Variants in CALD1 observed in about 807,000 individuals in gnomAD.
CALD1 encodes the protein caldesmon 1, also known as caldesmon.
CALD1 carries 33 observed loss-of-function variants against 99.9 expected under a neutral mutation model. The ratio of observed to expected loss-of-function variants is 0.33; its 90% CI spans 0.25 to 0.44. The LOEUF (loss-of-function observed/expected upper bound fraction) is 0.44. CALD1 is among the 20% of genes least tolerant of loss of function. The probability of loss-of-function intolerance (pLI) is 1.00; values close to 1 mark genes in which losing one functional copy is unlikely to be tolerated. For synonymous variants in CALD1, 310 were observed against 325.0 expected (o/e 0.95, Z 0.50); for missense variants, 861 against 962.1 (o/e 0.89, Z 1.39).
chr7:134,871,756 G>A (rs973621582), intron 3 of CALD1, among the ~76,000 whole-genome samples: 8 of 152,068 alleles, frequency 5.3e-5, no homozygotes, highest in Admixed American at 1.3e-4. Context: ...TATTTAATTA[G>A]TATTGAGTCT....
Position 134,933,605 on chromosome 7 carries a change from GA to G in CALD1, c.838del (p.Ile280LeufsTer9). On this transcript the variant is annotated frameshift_variant, in exon 5 of 15. Coordinates refer to ENST00000361675, the MANE Select transcript of CALD1 (RefSeq NM_033138.4). LOFTEE classifies it high-confidence loss of function. ...RARLEAEERE[R>X]IKAEQDKKIA... Reference sequence around the variant, plus strand: ...AGGTTGGAAGCAGAAGAAAGAGAAAGAATTAAAGCCGAGCAAGACAAAAAGA... The same window carrying G: ...AGGTTGGAAGCAGAAGAAAGAGAAAGATTAAAGCCGAGCAAGACAAAAAGA... 1 of 1,612,806 alleles carries G rather than the reference GA, an allele frequency of 6.2e-7. No individual in the cohort carries two copies. Among genetic ancestry groups the G allele is most frequent in the Non-Finnish European group, 8.5e-7 (1 of 1,179,460 alleles).
At chr7:134,785,652 T>C (rs542363660) in intron 1 of CALD1, among the ~76,000 whole-genome samples, 17 of 152,326 alleles carry the variant, frequency 1.1e-4, no homozygotes, top group African/African-American at 3.8e-4. Context: ...ACTTGTGCTC[T>C]GTTCTGGGCT....
intron 3 of CALD1, among the ~76,000 whole-genome samples, chr7:134,897,180 A>ATAC (rs1802632718): frequency 6.6e-6 from 1 of 152,128 alleles, no homozygotes; most frequent in Non-Finnish European, 1.5e-5. Flanking sequence ...ATTCTAGTGA[A>ATAC]TACTGCTGTA....
chr7:134,925,752 G>A (rs1804964124), intron 3 of CALD1, among the ~76,000 whole-genome samples: 1 of 152,182 alleles, frequency 6.6e-6, no homozygotes, highest in African/African-American at 2.4e-5. Flanking sequence ...TACAATGCAA[G>A]ATGAGATTTG....
Position 134,906,190 on chromosome 7 carries a change from A to G in CALD1, c.72-22564A>G, listed in dbSNP as rs553934584. 8.5e-4 allele frequency among the ~76,000 whole-genome samples: 129 copies of G among 152,174 alleles called. 4 individuals carry two copies. In the South Asian group the frequency reaches 0.027, roughly 31 times the overall value. Reference sequence around the variant, plus strand: ...GGTGATCCACCCACCTGAGACTCCCAAAGTGCTGGGATTACAGGCATGAGC... The same window carrying G: ...GGTGATCCACCCACCTGAGACTCCCGAAGTGCTGGGATTACAGGCATGAGC... On this transcript the variant is annotated intron_variant, in intron 3 of 14. Transcript: ENST00000361675.
the CALD1 span, among the ~76,000 whole-genome samples, chr7:134,716,511 G>A: frequency 1.3e-5 from 2 of 152,198 alleles, no homozygotes; most frequent in Non-Finnish European, 2.9e-5. Flanking sequence ...GTACATGACA[G>A]AAGAAGAAAC....
chr7:134,895,143 G>C (rs1206783131), intron 3 of CALD1, among the ~76,000 whole-genome samples: 1 of 147,052 alleles, frequency 6.8e-6, no homozygotes, highest in East Asian at 2.0e-4. Flanking sequence ...ATAAATAATT[G>C]GCACAATTTT....
At chr7:134,913,858 G>A (rs1331213849) in intron 3 of CALD1, among the ~76,000 whole-genome samples, 1 of 152,150 alleles carries the variant, frequency 6.6e-6, no homozygotes, top group African/African-American at 2.4e-5. Flanking sequence ...TGGCCTGCAG[G>A]TCATAGTTTG....
intron 3 of CALD1, among the ~76,000 whole-genome samples, chr7:134,871,248 T>C (rs1271380860): frequency 6.6e-6 from 1 of 152,168 alleles, no homozygotes; most frequent in African/African-American, 2.4e-5. Context: ...TGAAAAAAAA[T>C]AATTCTATGG....
chr7:134,758,539 T>TGTGTGTGTGTG (rs1796749278), intron 1 of CALD1, among the ~76,000 whole-genome samples: 2 of 148,614 alleles, frequency 1.3e-5, no homozygotes, highest in African/African-American at 2.5e-5. Context: ...TGTGTGTGTG[T>TGTGTGTGTGTG]TTCCAAGAAC....
chr7:134,781,713 T>A (rs1214343634), intron 1 of CALD1, among the ~76,000 whole-genome samples: 1 of 152,214 alleles, frequency 6.6e-6, no homozygotes, highest in Non-Finnish European at 1.5e-5. Context: ...AATGGATTGA[T>A]CCATAAGTAA....
Position 134,797,085 on chromosome 7 carries a change from C to T in CALD1, c.-130+17336C>T, listed in dbSNP as rs1000413648. Among the ~76,000 whole-genome samples, 6 of 151,836 alleles carry T rather than the reference C, an allele frequency of 4.0e-5. No homozygotes were observed. The South Asian group carries it at 6.2e-4, about 16-fold the overall frequency. ...TGTCGCCCAGGCTTGAATGCAGTGG[C>T]GCGATCACAGCTCACGGTAGCCTCA... On this transcript the variant is annotated intron_variant, in intron 1 of 14. Coordinates refer to ENST00000361675, the MANE Select transcript of CALD1 (RefSeq NM_033138.4).
intron 3 of CALD1, among the ~76,000 whole-genome samples, chr7:134,920,138 C>A (rs1185842956): frequency 3.3e-5 from 5 of 152,156 alleles, no homozygotes; most frequent in African/African-American, 1.2e-4. Context: ...AAATATGACT[C>A]ATTTCAGTAG....
intron 2 of CALD1, among the ~76,000 whole-genome samples, chr7:134,850,736 C>T (rs1200199550): frequency 6.6e-6 from 1 of 152,168 alleles, no homozygotes; most frequent in African/African-American, 2.4e-5. Context: ...ATGTGCTTCC[C>T]TTGTCCACCC....
At chr7:134,776,395 C>T (rs1214381440), upstream of CALD1, among the ~76,000 whole-genome samples, 2 of 151,782 alleles carry the variant, frequency 1.3e-5, no homozygotes, top group Non-Finnish European at 2.9e-5. Context: ...TTTCTTTTTT[C>T]TACTTCTCTT....
At chr7:134,895,850 C>G (rs148006889) in intron 3 of CALD1, among the ~76,000 whole-genome samples, 8 of 152,294 alleles carry the variant, frequency 5.3e-5, no homozygotes, top group African/African-American at 1.4e-4. Flanking sequence ...TCCTGGTTCT[C>G]TCTGCCCACT....
chr7:134,909,608 G>C (rs1408837228), intron 3 of CALD1, among the ~76,000 whole-genome samples: 1 of 152,168 alleles, frequency 6.6e-6, no homozygotes, highest in African/African-American at 2.4e-5. Context: ...GCCTGAACCG[G>C]TGAGGTGGAA....
At chr7:134,873,072 A>G (rs997049706) in intron 3 of CALD1, among the ~76,000 whole-genome samples, 16 of 152,056 alleles carry the variant, frequency 1.1e-4, no homozygotes, top group African/African-American at 3.9e-4. Context: ...CTGTAATCCC[A>G]GCTACTCGGG....
intron 7 of CALD1, among the ~76,000 whole-genome samples, chr7:134,945,666 A>C (rs565572569): frequency 6.6e-6 from 1 of 152,234 alleles, no homozygotes; most frequent in Admixed American, 6.5e-5. Flanking sequence ...GAGCATAAAG[A>C]ATGACATGTA....
Sources: gnomAD v4.1 joint callset for allele counts (sites outside exome capture counted in the v4.1 genomes callset) on GRCh38, gnomAD v4.1.1 for gene constraint, MANE v1.5 for transcripts, NCBI Gene and HGNC (gene_info 2026-07-23, HGNC 2026-07-21) for gene names.